Variants in NELL1 observed in about 807,000 individuals in gnomAD.
The protein encoded by NELL1 is neural EGFL like 1.
In NELL1, 76 loss-of-function variants were observed where a neutral mutation model predicts 107.4. The observed-to-expected ratio is 0.71, with a 90% CI of 0.59 to 0.86. The LOEUF (loss-of-function observed/expected upper bound fraction) is 0.86, where lower values mean the gene tolerates loss of function less well. Ranked by LOEUF, NELL1 falls within the 40% of genes least tolerant of loss-of-function variation. The pLI is 0.00. For missense variants in NELL1, 1,024 were observed against 1,005.5 expected, an observed-to-expected ratio of 1.02 and a Z score of -0.25; for synonymous variants, 353 against 341.2, an observed-to-expected ratio of 1.03 and a Z score of -0.38.
chr11:21,244,741 A>G (rs1004405950), intron 14 of NELL1, among the ~76,000 whole-genome samples: 2 of 152,120 alleles, frequency 1.3e-5, no homozygotes, highest in Non-Finnish European at 2.9e-5. Context: ...TCTAGCACAT[A>G]GGTGGAGCCA....
intron 12 of NELL1, among the ~76,000 whole-genome samples, chr11:21,105,341 A>T (rs1449055476): frequency 6.6e-6 from 1 of 152,180 alleles, no homozygotes; most frequent in East Asian, 1.9e-4. Flanking sequence ...GACAGGCTTG[A>T]TGAGACAGTG....
intron 7 of NELL1, among the ~76,000 whole-genome samples, chr11:20,920,608 A>G (rs909820970): frequency 2.0e-5 from 3 of 152,184 alleles, no homozygotes; most frequent in Admixed American, 2.0e-4. Context: ...TATTGTCTGG[A>G]GCAGCTTGAT....
At chr11:20,699,480 C>G (rs1446355268) in intron 2 of NELL1, among the ~76,000 whole-genome samples, 2 of 152,022 alleles carry the variant, frequency 1.3e-5, no homozygotes, top group Non-Finnish European at 2.9e-5. Context: ...TCTGCCTTAG[C>G]CTCCCCAGCA....
intron 12 of NELL1, among the ~76,000 whole-genome samples, chr11:21,045,546 T>G (rs1853334512): frequency 6.6e-6 from 1 of 152,214 alleles, no homozygotes; most frequent in African/African-American, 2.4e-5. Flanking sequence ...ATTAGCATAA[T>G]AGTTTATATT....
At chr11:20,870,377 G>A (rs1474164046) in intron 4 of NELL1, among the ~76,000 whole-genome samples, 1 of 151,282 alleles carries the variant, frequency 6.6e-6, no homozygotes, top group African/African-American at 2.4e-5. Flanking sequence ...CATTCATTTG[G>A]TCTTGGAAAT....
At chr11:21,344,434 T>G (rs562911474) in intron 14 of NELL1, among the ~76,000 whole-genome samples, 1 of 152,292 alleles carries the variant, frequency 6.6e-6, no homozygotes, top group South Asian at 2.1e-4. Flanking sequence ...GTGTATTTGG[T>G]TGTGTAAACC....
chr11:21,494,964 C>G (rs1854938745), intron 15 of NELL1, among the ~76,000 whole-genome samples: 1 of 151,978 alleles, frequency 6.6e-6, no homozygotes, highest in Admixed American at 6.6e-5. Context: ...TATGGTTTTT[C>G]TCTTGGTATT....
chr11:20,826,481 C>T (rs1255948699), intron 3 of NELL1, among the ~76,000 whole-genome samples: 1 of 151,282 alleles, frequency 6.6e-6, no homozygotes, highest in Admixed American at 6.6e-5. Flanking sequence ...CCGTGTGCTT[C>T]ACTAAGATTC....
intron 5 of NELL1, among the ~76,000 whole-genome samples, chr11:20,916,608 C>T (rs1279556378): frequency 1.3e-5 from 2 of 151,856 alleles, no homozygotes; most frequent in African/African-American, 4.8e-5. Context: ...CATATACTTC[C>T]ACCAATTCTG....
intron 12 of NELL1, among the ~76,000 whole-genome samples, chr11:20,963,001 C>A (rs1210409056): frequency 6.6e-6 from 1 of 152,126 alleles, no homozygotes; most frequent in Non-Finnish European, 1.5e-5. Context: ...GCACAGAGAA[C>A]CCAGTAGAGT....
chr11:20,922,734 T>C (rs1285477076), intron 7 of NELL1, among the ~76,000 whole-genome samples: 1 of 152,130 alleles, frequency 6.6e-6, no homozygotes, highest in Non-Finnish European at 1.5e-5. Context: ...GGCTTTAAAG[T>C]CAGGCTGATA....
At chr11:21,523,523 G>A (rs541350758) in intron 15 of NELL1, among the ~76,000 whole-genome samples, 1 of 151,962 alleles carries the variant, frequency 6.6e-6, no homozygotes, top group Non-Finnish European at 1.5e-5. Context: ...AATACATTTT[G>A]GTGGTCTTTC....
chr11:20,817,290 A>T (rs1554926190), intron 3 of NELL1, among the ~76,000 whole-genome samples: 1 of 151,574 alleles, frequency 6.6e-6, no homozygotes, highest in Non-Finnish European at 1.5e-5. Flanking sequence ...TTGCTTGGTA[A>T]TTTTTTTACT....
At position 20,895,504 on chromosome 11, in the gene NELL1, C is replaced by CG. The variant is rs772119566; in HGVS notation, c.603+9964_603+9965insG. 1.8e-4 allele frequency among the ~76,000 whole-genome samples: 18 copies of CG among 100,020 alleles called. No individual in the cohort carries two copies. The Admixed American group carries it at 2.2e-3, about 12-fold the overall frequency. The allele number at this position is 100,020 out of a possible 152,430, so 65.6% of individuals were successfully genotyped here. On this transcript the variant is annotated intron_variant, in intron 5 of 19. Transcript: ENST00000357134. Reference sequence around the variant, plus strand: ...ATAAGTGAGAACATGTGATATTTGCCTTTTTTTTTTTTTTTTTTTGAGACG... The same window carrying CG: ...ATAAGTGAGAACATGTGATATTTGCCGTTTTTTTTTTTTTTTTTTTGAGACG...
At chr11:20,898,564 G>C (rs962343102) in intron 5 of NELL1, among the ~76,000 whole-genome samples, 1 of 147,754 alleles carries the variant, frequency 6.8e-6, no homozygotes, top group African/African-American at 2.5e-5. Context: ...AAAACTTAAA[G>C]TATAATAAAA....
chr11:20,909,992 G>C (rs4923164), intron 5 of NELL1, among the ~76,000 whole-genome samples: 87,561 of 151,998 alleles, frequency 0.58, 30,240 homozygotes, highest in Non-Finnish European at 0.78. Flanking sequence ...ATGTCAGTAA[G>C]CTCACAGGTC....
At chr11:21,272,240 A>T (rs1004154152) in intron 14 of NELL1, among the ~76,000 whole-genome samples, 7 of 152,180 alleles carry the variant, frequency 4.6e-5, no homozygotes, top group African/African-American at 1.7e-4. Flanking sequence ...AGCAAATGGC[A>T]CACCAGGAGA....
intron 2 of NELL1, among the ~76,000 whole-genome samples, chr11:20,695,729 T>G (rs1854597256): frequency 6.6e-6 from 1 of 152,080 alleles, no homozygotes; most frequent in Non-Finnish European, 1.5e-5. Flanking sequence ...GATGTTGGCT[T>G]ATAGTTTTAG....
chr11:21,075,422 T>G (rs987712427), intron 12 of NELL1, among the ~76,000 whole-genome samples: 1 of 152,160 alleles, frequency 6.6e-6, no homozygotes, highest in Non-Finnish European at 1.5e-5. Flanking sequence ...AGGAGCTTCA[T>G]GCTTGAGGTA....
Sources: allele counts gnomAD v4.1 joint callset (sites outside exome capture counted in the v4.1 genomes callset), GRCh38; gene constraint gnomAD v4.1.1; transcripts MANE v1.5; gene names NCBI Gene and HGNC (gene_info 2026-07-23, HGNC 2026-07-21).